The following MTNR1B variants were observed in gnomAD, a reference collection of about 807,000 sequenced individuals.
The protein encoded by MTNR1B is melatonin receptor type 1B.
MTNR1B carries 7 observed loss-of-function variants against 7.0 expected under a neutral mutation model. The observed-to-expected ratio is 1.00, with a 90% confidence interval of 0.57 to 1.88. The LOEUF is 1.88. MTNR1B is among the 40% of genes most tolerant of loss of function. The probability of loss-of-function intolerance (pLI) is 0.00; values close to 1 mark genes in which losing one functional copy is unlikely to be tolerated. For missense variants in MTNR1B, 478 were observed against 486.5 expected (o/e 0.98, Z 0.16); for synonymous variants, 226 against 208.2 (o/e 1.09, Z -0.74).
At position 92,982,240 on chromosome 11, in the gene MTNR1B, C is replaced by T. The variant is rs1858123995; in HGVS notation, c.1017C>T (p.Gly339=). ...PRHCIQDASK[G]SHAEGLQSPA... is the part of the protein sequence containing the mutation. Reference sequence around the variant, plus strand: ...ACTGCATTCAAGATGCTTCCAAGGGCAGCCACGCGGAGGGGCTGCAGAGCC... The same window carrying T: ...ACTGCATTCAAGATGCTTCCAAGGGTAGCCACGCGGAGGGGCTGCAGAGCC... The change falls in exon 2 of 2, where the codon GGC becomes GGT. Residue 339 remains glycine (G), a synonymous_variant. Transcript: ENST00000257068. The T allele has an allele frequency of 1.2e-6, 2 of 1,614,204 alleles. No individual in the cohort carries two copies. Among genetic ancestry groups the T allele is most frequent in the African/African-American group, 2.7e-5 (2 of 75,062 alleles).
chr11:92,970,769 A>C (rs1345523605), intron 1 of MTNR1B, among the ~76,000 whole-genome samples: 1 of 152,188 alleles, frequency 6.6e-6, no homozygotes, highest in African/African-American at 2.4e-5. Flanking sequence ...CTTAGGAAGG[A>C]GCTCAGTCAC....
rs565477305 is a variant in MTNR1B at position 92,982,427 on chromosome 11, G to A, written c.*115G>A. On this transcript the variant is annotated 3_prime_UTR_variant, in exon 2 of 2. Transcript: ENST00000257068. ...GCCACACTGTCCTGTTGGCATCACA[G>A]CCCCAAGGCTGGGGGAACTTCATGC... 4 of 1,292,916 alleles carry A rather than the reference G, an allele frequency of 3.1e-6. No individual in the cohort carries two copies. The highest frequency in any genetic ancestry group is 3.0e-5 in the South Asian group (2 of 65,994). 80.1% of individuals were successfully genotyped at this position (1,292,916 alleles called of 1,614,324 possible). A position where few individuals can be genotyped will look rare whatever the true frequency, so the allele number is the denominator to read the frequency against.
At position 92,979,978 on chromosome 11, in the gene MTNR1B, C is replaced by T. The variant is rs114012361; in HGVS notation, c.224-1469C>T. 6.9e-3 allele frequency among the ~76,000 whole-genome samples: 1,053 copies of T among 152,250 alleles called. 20 individuals are homozygous for T. The highest frequency in any genetic ancestry group is 0.024 in the African/African-American group (996 of 41,538). ...TGACTCAGGTGAAATCCCAGCTGGG[C>T]GGCTCTCAGCCTCCCTTTTTCTGTA... On this transcript the variant is annotated intron_variant, in intron 1 of 1. Coordinates refer to ENST00000257068, the MANE Select transcript of MTNR1B (RefSeq NM_005959.5).
At position 92,982,748 on chromosome 11, in the gene MTNR1B, C is replaced by T. The variant is rs1214585825; in HGVS notation, c.*436C>T. On this transcript the variant is annotated 3_prime_UTR_variant, in exon 2 of 2. Transcript: ENST00000257068. Reference sequence around the variant, plus strand: ...GGTCAGTAGGACTGGAACTTGGTAACTGCAAGGGCCTCAGGTGGGGCAGGT... The same window carrying T: ...GGTCAGTAGGACTGGAACTTGGTAATTGCAAGGGCCTCAGGTGGGGCAGGT... The T allele has an allele frequency of 1.4e-5, 3 of 208,406 alleles. No homozygotes were observed. The highest frequency in any genetic ancestry group is 2.9e-5 in the Non-Finnish European group (3 of 103,462). 12.9% of individuals were successfully genotyped at this position (208,406 alleles called of 1,614,324 possible). A position where few individuals can be genotyped will look rare whatever the true frequency, so the allele number is the denominator to read the frequency against.
At chr11:92,976,971 A>G (rs1858018107) in intron 1 of MTNR1B, among the ~76,000 whole-genome samples, 1 of 152,224 alleles carries the variant, frequency 6.6e-6, no homozygotes, top group Non-Finnish European at 1.5e-5. Flanking sequence ...CAACTTCACC[A>G]TGTTATATCA....
chr11:92,974,545 C>T (rs1857982062), intron 1 of MTNR1B, among the ~76,000 whole-genome samples: 1 of 151,882 alleles, frequency 6.6e-6, no homozygotes, highest in African/African-American at 2.4e-5. Flanking sequence ...CTTACTGCAA[C>T]CTCTCCTGCC....
intron 1 of MTNR1B, among the ~76,000 whole-genome samples, chr11:92,970,264 A>G (rs1565177795): frequency 6.6e-6 from 1 of 152,208 alleles, no homozygotes; most frequent in Non-Finnish European, 1.5e-5. Context: ...TCGCGCTCCA[A>G]TGCGTGTCTT....
intron 1 of MTNR1B, among the ~76,000 whole-genome samples, chr11:92,978,578 C>T (rs1858047171): frequency 6.6e-6 from 1 of 152,174 alleles, no homozygotes; most frequent in Non-Finnish European, 1.5e-5. Context: ...GACTATCATC[C>T]ACATAGGACC....
chr11:92,971,567 T>C (rs896468926), intron 1 of MTNR1B, among the ~76,000 whole-genome samples: 27 of 152,212 alleles, frequency 1.8e-4, no homozygotes, highest in Admixed American at 1.7e-3. Context: ...CTCCTGGCTC[T>C]ATGGGGGAGA....
chr11:92,978,686 A>T (rs1858049455), intron 1 of MTNR1B, among the ~76,000 whole-genome samples: 1 of 152,218 alleles, frequency 6.6e-6, no homozygotes, highest in Non-Finnish European at 1.5e-5. Context: ...TGGGCAGATG[A>T]ATCTATAGCA....
chr11:92,971,690 G>A (rs985505464), intron 1 of MTNR1B, among the ~76,000 whole-genome samples: 1 of 152,170 alleles, frequency 6.6e-6, no homozygotes, highest in Non-Finnish European at 1.5e-5. Flanking sequence ...TGCCCACCAT[G>A]AGAAAGGTGG....
At chr11:92,978,036 G>A (rs979524656) in intron 1 of MTNR1B, among the ~76,000 whole-genome samples, 1 of 152,168 alleles carries the variant, frequency 6.6e-6, no homozygotes, top group African/African-American at 2.4e-5. Flanking sequence ...AGCAATATTT[G>A]TCACATAAAT....
intron 1 of MTNR1B, among the ~76,000 whole-genome samples, chr11:92,976,633 C>T (rs1232054062): frequency 6.6e-6 from 1 of 152,202 alleles, no homozygotes; most frequent in Admixed American, 6.5e-5. Flanking sequence ...CAGGGCAAAA[C>T]TGGATCCCCA....
chr11:92,971,105 G>GACCGCCAC, intron 1 of MTNR1B, among the ~76,000 whole-genome samples: 1 of 152,036 alleles, frequency 6.6e-6, no homozygotes, highest in African/African-American at 2.4e-5. Flanking sequence ...GATTACAGGC[G>GACCGCCAC]CTCGCCACTA....
chr11:92,973,108 G>A (rs1002455450), intron 1 of MTNR1B, among the ~76,000 whole-genome samples: 3 of 152,030 alleles, frequency 2.0e-5, no homozygotes, highest in African/African-American at 4.8e-5. Flanking sequence ...TCATTCCCTC[G>A]GCTAACCTGG....
intron 1 of MTNR1B, chr11:92,972,612 T>A: frequency 2.2e-6 from 1 of 451,824 alleles, no homozygotes; most frequent in Non-Finnish European, 4.4e-6. Context: ...GTGTGTTCAC[T>A]CTTTGCTACA....
chr11:92,970,924 A>G (rs554910141), intron 1 of MTNR1B, among the ~76,000 whole-genome samples: 1 of 152,300 alleles, frequency 6.6e-6, no homozygotes, highest in East Asian at 1.9e-4. Flanking sequence ...ATTTTTAGCA[A>G]ATAGTAATAT....
intron 1 of MTNR1B, among the ~76,000 whole-genome samples, chr11:92,976,179 G>A (rs1048535151): frequency 1.1e-4 from 16 of 152,094 alleles, no homozygotes; most frequent in Non-Finnish European, 5.9e-5. Flanking sequence ...TTCTGCATTC[G>A]GATATGATAT....
Position 92,981,873 on chromosome 11 carries a change from C to T in MTNR1B, c.650C>T (p.Ser217Phe), listed in dbSNP as rs1391520552. 6.2e-6 allele frequency: 10 copies of T among 1,614,072 alleles called. No individual in the cohort carries two copies. The highest frequency in any genetic ancestry group is 8.5e-6 in the Non-Finnish European group (10 of 1,180,026). ...TTCCTCCTCCCTATCGCTGTCGTGTCCTTCTGCTACCTGCGCATCTGGGTG... is the reference window on the plus strand; with the variant it reads ...TTCCTCCTCCCTATCGCTGTCGTGTTCTTCTGCTACCTGCGCATCTGGGTG... ...IHFLLPIAVV[S>F]FCYLRIWVLV... The change falls in exon 2 of 2, where the codon TCC (serine) becomes TTC (phenylalanine). Residue 217 changes from serine (S) to phenylalanine (F), a missense_variant. Ser to Phe is a radical substitution (Grantham distance 155). Coordinates refer to ENST00000257068, the MANE Select transcript of MTNR1B (RefSeq NM_005959.5).
Sources: gnomAD v4.1 joint callset for allele counts (sites outside exome capture counted in the v4.1 genomes callset) on GRCh38, gnomAD v4.1.1 for gene constraint, MANE v1.5 for transcripts, NCBI Gene and HGNC (gene_info 2026-07-23, HGNC 2026-07-21) for gene names.